Variants in ORC2 observed in about 807,000 individuals in gnomAD.
ORC2 encodes the protein origin recognition complex subunit 2, also known as origin recognition complex protein 2 homolog.
ORC2 carries 37 observed loss-of-function variants against 77.7 expected under a neutral mutation model. That is an observed-to-expected ratio of 0.48 (90% CI 0.37 to 0.63). The LOEUF is 0.63. Among genes scored for constraint, ORC2 ranks in the 20% least tolerant of loss-of-function variants. The pLI is 0.00. For missense variants in ORC2, 557 were observed against 661.9 expected, an observed-to-expected ratio of 0.84 and a Z score of 1.74; for synonymous variants, 201 against 229.5, an observed-to-expected ratio of 0.88 and a Z score of 1.12.
At chr2:200,932,404 A>G (rs2124978037) in intron 10 of ORC2, among the ~76,000 whole-genome samples, 1 of 150,052 alleles carries the variant, frequency 6.7e-6, no homozygotes, top group South Asian at 2.1e-4. Flanking sequence ...TGGTGGCACA[A>G]TCTCAGCTCA....
chr2:200,909,463 T>C lies in ORC2; in HGVS notation c.*1838A>G, dbSNP rs952880025. On this transcript the variant is annotated 3_prime_UTR_variant, in exon 18 of 18. Transcript: ENST00000234296. ...GTGGCTCACCCCTGATCCCAGTACT[T>C]TGGGAGGCCGAGGCAGGATCACTTG... 1.3e-5 allele frequency: 2 copies of C among 152,034 alleles called. No individual in the cohort carries two copies. Among genetic ancestry groups the C allele is most frequent in the African/African-American group, 4.8e-5 (2 of 41,380 alleles). The allele number at this position is 152,034 out of a possible 1,614,324, so 9.4% of individuals were successfully genotyped here. A position where few individuals can be genotyped will look rare whatever the true frequency, so the allele number is the denominator to read the frequency against.
At chr2:200,918,472 TTTTTTTC>T (rs1443884281) in intron 15 of ORC2, among the ~76,000 whole-genome samples, 5 of 151,916 alleles carry the variant, frequency 3.3e-5, no homozygotes, top group African/African-American at 1.2e-4. Context: ...TTGTTCCCTC[TTTTTTTC>T]TTTTTTCTTC....
chr2:200,919,126 G>A (rs184440933), intron 15 of ORC2, among the ~76,000 whole-genome samples: 16 of 152,234 alleles, frequency 1.1e-4, no homozygotes, highest in African/African-American at 3.9e-4. Flanking sequence ...CACTGTGCCT[G>A]GCAAGTCTAA....
At chr2:200,947,662 T>C (rs138032903) in intron 5 of ORC2, among the ~76,000 whole-genome samples, 5 of 152,320 alleles carry the variant, frequency 3.3e-5, no homozygotes, top group African/African-American at 1.2e-4. Flanking sequence ...ACATATATTA[T>C]TTCCCTTCCT....
At chr2:200,943,839 C>T (rs2041199885) in intron 5 of ORC2, among the ~76,000 whole-genome samples, 2 of 149,722 alleles carry the variant, frequency 1.3e-5, no homozygotes, top group Non-Finnish European at 1.5e-5. Flanking sequence ...ATATTAATTC[C>T]TCCATTTGAG....
At chr2:200,923,415 G>A (rs2040790441) in intron 13 of ORC2, among the ~76,000 whole-genome samples, 1 of 151,816 alleles carries the variant, frequency 6.6e-6, no homozygotes, top group South Asian at 2.1e-4. Flanking sequence ...GGACCGGCTA[G>A]TTTTTTGTAT....
Position 200,942,557 on chromosome 2 carries a change from TTTTG to T in ORC2, c.421+124_421+127del, listed in dbSNP as rs1184635297. Reference sequence around the variant, plus strand: ...TACATGAGTTGAAATATTAATTGCATTTTGTTGAATGAATTTTCAGAAAAGAAGA... The same window carrying T: ...TACATGAGTTGAAATATTAATTGCATTTGAATGAATTTTCAGAAAAGAAGA... On this transcript the variant is annotated intron_variant, in intron 6 of 17. Transcript: ENST00000234296. The T allele has an allele frequency of 9.7e-6, 5 of 516,374 alleles. No homozygotes were observed. In the Admixed American group the frequency reaches 1.8e-4, roughly 19 times the overall value. The allele number at this position is 516,374 out of a possible 1,614,324, so 32.0% of individuals were successfully genotyped here. A position where few individuals can be genotyped will look rare whatever the true frequency, so the allele number is the denominator to read the frequency against.
At chr2:200,939,710 A>G (rs1457614129) in intron 7 of ORC2, among the ~76,000 whole-genome samples, 1 of 152,214 alleles carries the variant, frequency 6.6e-6, no homozygotes, top group African/African-American at 2.4e-5. Context: ...CTAAGACAGT[A>G]CACTAAGATT....
intron 5 of ORC2, among the ~76,000 whole-genome samples, chr2:200,945,832 C>A (rs760506960): frequency 1.8e-4 from 28 of 151,992 alleles, no homozygotes; most frequent in Non-Finnish European, 4.4e-5. Context: ...GATTCCATAT[C>A]CTGGATATTG....
At chr2:200,919,841 CTTAG>C (rs369836891) in intron 15 of ORC2, among the ~76,000 whole-genome samples, 170 of 152,264 alleles carry the variant, frequency 1.1e-3, no homozygotes, top group African/African-American at 3.5e-3. Flanking sequence ...GACTATCCAC[CTTAG>C]TTAGGATCAA....
intron 4 of ORC2, among the ~76,000 whole-genome samples, chr2:200,951,273 C>T (rs1242467555): frequency 4.8e-5 from 7 of 147,254 alleles, no homozygotes; most frequent in South Asian, 2.1e-4. Context: ...ATCTACTGAA[C>T]GACCTCTTTG....
At chr2:200,951,568 T>G (rs906415944) in intron 4 of ORC2, among the ~76,000 whole-genome samples, 1 of 152,238 alleles carries the variant, frequency 6.6e-6, no homozygotes, top group Non-Finnish European at 1.5e-5. Context: ...AATAGGTGTA[T>G]AGTGGTATCT....
chr2:200,933,226 ATTTTTTTTTT>A (rs1196387811), intron 10 of ORC2, among the ~76,000 whole-genome samples: 1 of 132,120 alleles, frequency 7.6e-6, no homozygotes, highest in Non-Finnish European at 1.6e-5. Flanking sequence ...ACTGTATGGT[ATTTTTTTTTT>A]TTTTTTTTTT....
At position 200,931,426 on chromosome 2, in the gene ORC2, C is replaced by A; in HGVS notation, c.830G>T (p.Ser277Ile). 1 of 1,548,750 alleles carries A rather than the reference C, an allele frequency of 6.5e-7. No individual in the cohort carries two copies. Among genetic ancestry groups the A allele is most frequent in the Non-Finnish European group, 8.7e-7 (1 of 1,153,068 alleles). Residue 277 changes from serine (S) to isoleucine (I), a missense_variant, in exon 11 of 18, where the codon AGC becomes ATC. Physicochemically the swap from Ser to Ile is moderately radical, Grantham distance 142 (BLOSUM62 -2). Coordinates refer to ENST00000234296, the MANE Select transcript of ORC2 (RefSeq NM_006190.5). ...LDQQTLRNLL[S>I]KVSPSFSAEL... The stretch of plus-strand genomic sequence containing the variant: ...GGCAGAAAAGGAAGGGGAAACCTTG[C>A]TCAATAAGTTACGCAAAGTTTGCTT...
chr2:200,960,297 A>C (rs2041548661), intron 1 of ORC2, among the ~76,000 whole-genome samples: 3 of 152,170 alleles, frequency 2.0e-5, no homozygotes, highest in African/African-American at 4.8e-5. Context: ...TTTTTAAACA[A>C]CAACGACAAC....
Position 200,950,605 on chromosome 2 carries a change from T to C in ORC2, c.239-962A>G, listed in dbSNP as rs530693393. 7.8e-4 allele frequency among the ~76,000 whole-genome samples: 119 copies of C among 152,314 alleles called. No individual in the cohort carries two copies. In the South Asian group the frequency reaches 0.013, roughly 16 times the overall value. On this transcript the variant is annotated intron_variant, in intron 4 of 17. Transcript: ENST00000234296. The stretch of plus-strand genomic sequence containing the variant: ...CATGATGTGATAACAAGTTACCATA[T>C]TGACTAATGGAATGCGTGAAGAAGA...
rs892960668 is a variant in ORC2 at position 200,943,439 on chromosome 2, AT to A, written c.329-663del. ...AATAGAGGCCATTTTAAATAAAAAA[AT>A]ATAAGTGTTATCTTTAATGATGCTC... On this transcript the variant is annotated intron_variant, in intron 5 of 17. Coordinates refer to ENST00000234296, the MANE Select transcript of ORC2 (RefSeq NM_006190.5). Among the ~76,000 whole-genome samples, 63 of 152,280 alleles carry A rather than the reference AT, an allele frequency of 4.1e-4. 1 individual carries two copies. The highest frequency in any genetic ancestry group is 1.5e-3 in the African/African-American group (62 of 41,552).
intron 5 of ORC2, among the ~76,000 whole-genome samples, chr2:200,945,209 T>C (rs1364789778): frequency 6.6e-6 from 1 of 152,216 alleles, no homozygotes; most frequent in Non-Finnish European, 1.5e-5. Flanking sequence ...TATGTCATAT[T>C]TGTTTTTGAT....
chr2:200,954,184 C>G (rs1216067552), intron 4 of ORC2, among the ~76,000 whole-genome samples: 1 of 152,058 alleles, frequency 6.6e-6, no homozygotes, highest in African/African-American at 2.4e-5. Context: ...AGGCACCCAC[C>G]ACCACGCCCA....
Sources: allele counts gnomAD v4.1 joint callset (sites outside exome capture counted in the v4.1 genomes callset), GRCh38; gene constraint gnomAD v4.1.1; transcripts MANE v1.5; gene names NCBI Gene and HGNC (gene_info 2026-07-23, HGNC 2026-07-21).